Variants in UBE2E2 observed in about 807,000 individuals in gnomAD.
UBE2E2 encodes ubiquitin-conjugating enzyme E2 E2.
UBE2E2 carries 6 observed loss-of-function variants against 24.7 expected under a neutral mutation model. That is an observed-to-expected ratio of 0.24 (90% CI 0.13 to 0.48). The LOEUF (loss-of-function observed/expected upper bound fraction) is 0.48. UBE2E2 is among the 20% of genes least tolerant of loss of function. The probability of loss-of-function intolerance (pLI) is 0.99; values close to 1 mark genes in which losing one functional copy is unlikely to be tolerated. For missense variants in UBE2E2, 169 were observed against 245.0 expected (o/e 0.69, Z 2.07); for synonymous variants, 104 against 83.6 (o/e 1.24, Z -1.33).
intron 3 of UBE2E2, among the ~76,000 whole-genome samples, chr3:23,336,831 A>G (rs574138370): frequency 1.3e-5 from 2 of 152,166 alleles, no homozygotes; most frequent in South Asian, 4.1e-4. Flanking sequence ...GTGTTTCTCC[A>G]TTTGCTGGAT....
At chr3:23,274,349 G>A (rs1390722316) in intron 3 of UBE2E2, among the ~76,000 whole-genome samples, 1 of 151,682 alleles carries the variant, frequency 6.6e-6, no homozygotes, top group African/African-American at 2.4e-5. Context: ...TTTCCTGGAA[G>A]GTCTTTCTGT....
At chr3:23,401,499 C>T (rs1169211384) in intron 3 of UBE2E2, among the ~76,000 whole-genome samples, 3 of 152,076 alleles carry the variant, frequency 2.0e-5, no homozygotes, top group East Asian at 1.9e-4. Flanking sequence ...AAGGTAAAAA[C>T]GTGGGATTTT....
At chr3:23,248,373 A>G (rs1575502085) in intron 3 of UBE2E2, among the ~76,000 whole-genome samples, 1 of 152,388 alleles carries the variant, frequency 6.6e-6, no homozygotes, top group South Asian at 2.1e-4. Context: ...ATTCTCTACT[A>G]TAATCCTTGA....
intron 5 of UBE2E2, among the ~76,000 whole-genome samples, chr3:23,543,629 A>T (rs911153489): frequency 1.3e-5 from 2 of 152,192 alleles, no homozygotes; most frequent in Non-Finnish European, 2.9e-5. Flanking sequence ...ATATTGTGAA[A>T]ATGACCATAC....
intron 3 of UBE2E2, among the ~76,000 whole-genome samples, chr3:23,409,817 A>G (rs1273595143): frequency 1.3e-5 from 2 of 152,138 alleles, no homozygotes; most frequent in Non-Finnish European, 2.9e-5. Flanking sequence ...GGTGGCTGCT[A>G]GAAGTCCTTA....
chr3:23,378,957 C>G (rs1696594586), intron 3 of UBE2E2, among the ~76,000 whole-genome samples: 1 of 152,140 alleles, frequency 6.6e-6, no homozygotes, highest in Admixed American at 6.5e-5. Flanking sequence ...TTTTTAGTAG[C>G]AGTGATTTGC....
intron 3 of UBE2E2, among the ~76,000 whole-genome samples, chr3:23,401,890 C>A (rs1301058193): frequency 3.8e-5 from 5 of 129,880 alleles, no homozygotes; most frequent in Admixed American, 2.6e-4. Flanking sequence ...TGGAGTCTCG[C>A]TGTGTCACCC....
chr3:23,321,624 A>G (rs960602403), intron 3 of UBE2E2, among the ~76,000 whole-genome samples: 11 of 148,712 alleles, frequency 7.4e-5, no homozygotes, highest in African/African-American at 2.7e-4. Flanking sequence ...CTTCCATAAC[A>G]CAGAGTTGTG....
chr3:23,276,587 T>C (rs914265605), intron 3 of UBE2E2, among the ~76,000 whole-genome samples: 1 of 151,928 alleles, frequency 6.6e-6, no homozygotes, highest in Non-Finnish European at 1.5e-5. Flanking sequence ...GATGCAGACT[T>C]GTGTGTTCAA....
chr3:23,353,907 A>G (rs970730122), intron 3 of UBE2E2, among the ~76,000 whole-genome samples: 1 of 152,216 alleles, frequency 6.6e-6, no homozygotes, highest in African/African-American at 2.4e-5. Flanking sequence ...ATATGGAACC[A>G]AAAAAGAGCC....
chr3:23,504,995 G>A (rs1364931702), intron 4 of UBE2E2, among the ~76,000 whole-genome samples: 5 of 145,950 alleles, frequency 3.4e-5, no homozygotes, highest in South Asian at 2.2e-4. Flanking sequence ...TGCAACCTCC[G>A]CCCAGTCTCA....
intron 4 of UBE2E2, among the ~76,000 whole-genome samples, chr3:23,528,754 G>A (rs574428804): frequency 6.6e-6 from 1 of 152,118 alleles, no homozygotes; most frequent in African/African-American, 2.4e-5. Flanking sequence ...AGGTTAACTG[G>A]CAGAGTGAGC....
intron 3 of UBE2E2, among the ~76,000 whole-genome samples, chr3:23,238,811 G>C (rs1266021100): frequency 1.3e-5 from 2 of 152,096 alleles, no homozygotes; most frequent in African/African-American, 2.4e-5. Context: ...GTGTGCCTGC[G>C]ATCTGACTGG....
chr3:23,238,265 A>G (rs771016409), intron 3 of UBE2E2, among the ~76,000 whole-genome samples: 1 of 152,138 alleles, frequency 6.6e-6, no homozygotes, highest in Non-Finnish European at 1.5e-5. Context: ...TCATCTCCTT[A>G]GTGTCAAAAC....
intron 3 of UBE2E2, among the ~76,000 whole-genome samples, chr3:23,481,534 CAATT>C (rs1352292275): frequency 1.1e-4 from 16 of 152,294 alleles, no homozygotes; most frequent in African/African-American, 3.9e-4. Context: ...AGTTCAGTCA[CAATT>C]AAAGCTCCCC....
At chr3:23,378,682 T>C (rs1696584457) in intron 3 of UBE2E2, among the ~76,000 whole-genome samples, 1 of 121,438 alleles carries the variant, frequency 8.2e-6, no homozygotes, top group Non-Finnish European at 1.8e-5. Flanking sequence ...ACAGCTTCCC[T>C]TTGAAATTCA....
intron 3 of UBE2E2, among the ~76,000 whole-genome samples, chr3:23,465,530 A>G (rs1698903172): frequency 6.6e-6 from 1 of 152,226 alleles, no homozygotes; most frequent in Admixed American, 6.5e-5. Context: ...ATGCAAGTGA[A>G]TGACTGGCCT....
intron 4 of UBE2E2, among the ~76,000 whole-genome samples, chr3:23,504,048 T>A (rs1276886599): frequency 6.6e-6 from 1 of 152,192 alleles, no homozygotes; most frequent in Non-Finnish European, 1.5e-5. Flanking sequence ...TGATTATTCA[T>A]GCCATTTAGG....
At position 23,586,754 on chromosome 3, in the gene UBE2E2, A is replaced by C. The variant is rs148384480; in HGVS notation, c.509-2980A>C. On this transcript the variant is annotated intron_variant, in intron 5 of 5. Coordinates refer to ENST00000396703, the MANE Select transcript of UBE2E2 (RefSeq NM_152653.4). Reference sequence around the variant, plus strand: ...TTAAAACAAAAGTTGGAGAGTACCCAAACATCTAAAAACAGGAAATTCGTT... The same window carrying C: ...TTAAAACAAAAGTTGGAGAGTACCCCAACATCTAAAAACAGGAAATTCGTT... Among the ~76,000 whole-genome samples the C allele has an allele frequency of 4.7e-4, 71 of 152,356 alleles. No homozygotes were observed. The East Asian group carries it at 0.011, about 24-fold the overall frequency.
Sources: gnomAD v4.1 joint callset for allele counts (sites outside exome capture counted in the v4.1 genomes callset) on GRCh38, gnomAD v4.1.1 for gene constraint, MANE v1.5 for transcripts, NCBI Gene and HGNC (gene_info 2026-07-23, HGNC 2026-07-21) for gene names.